KBTBD12: variants seen among roughly 807,000 people sequenced by gnomAD.
KBTBD12 encodes the protein kelch repeat and BTB domain-containing protein 12.
A neutral mutation model predicts 58.7 loss-of-function variants in KBTBD12; 53 were observed. The observed-to-expected ratio is 0.90, with a 90% CI of 0.72 to 1.14. The LOEUF (loss-of-function observed/expected upper bound fraction) is 1.14, where lower values mean the gene tolerates loss of function less well. Among genes scored for constraint, KBTBD12 ranks in the 50% most tolerant of loss-of-function variants. The probability of loss-of-function intolerance (pLI) is 0.00; values close to 1 mark genes in which losing one functional copy is unlikely to be tolerated. For synonymous variants in KBTBD12, 236 were observed against 259.8 expected (o/e 0.91, Z 0.88); for missense variants, 704 against 751.3 (o/e 0.94, Z 0.74).
At chr3:127,976,622 A>G (rs1425344446) in intron 5 of KBTBD12, among the ~76,000 whole-genome samples, 1 of 152,174 alleles carries the variant, frequency 6.6e-6, no homozygotes, top group South Asian at 2.1e-4. Context: ...ATATGGTCTA[A>G]TTTCATCACT....
At chr3:127,929,308 T>G (rs1189688322) in intron 3 of KBTBD12, among the ~76,000 whole-genome samples, 1 of 152,208 alleles carries the variant, frequency 6.6e-6, no homozygotes, top group Admixed American at 6.5e-5. Context: ...CTTGGTATAT[T>G]TAAAGTGGTT....
chr3:127,922,957 T>G lies in KBTBD12; in HGVS notation c.-105T>G. On this transcript the variant is annotated 5_prime_UTR_variant, in exon 2 of 6. Coordinates refer to ENST00000405109, the MANE Select transcript of KBTBD12 (RefSeq NM_207335.4). ...CTTTTTTCTTTCCCTTAGAAATGTT[T>G]CCTGACATCTTTGTAGCTTCATGAG... 1.5e-6 allele frequency: 1 copy of G among 672,856 alleles called. No individual in the cohort carries two copies. Among genetic ancestry groups the G allele is most frequent in the Non-Finnish European group, 2.5e-6 (1 of 396,956 alleles). 41.7% of individuals were successfully genotyped at this position (672,856 alleles called of 1,614,324 possible). A position where few individuals can be genotyped will look rare whatever the true frequency, so the allele number is the denominator to read the frequency against.
intron 4 of KBTBD12, among the ~76,000 whole-genome samples, chr3:127,941,202 C>A (rs1029869671): frequency 3.3e-5 from 5 of 152,112 alleles, no homozygotes; most frequent in African/African-American, 1.2e-4. Flanking sequence ...TTACCTAATA[C>A]CAAACCAGAC....
At chr3:127,917,374 T>C (rs1462908333) in intron 1 of KBTBD12, among the ~76,000 whole-genome samples, 2 of 152,154 alleles carry the variant, frequency 1.3e-5, no homozygotes, top group Admixed American at 6.5e-5. Flanking sequence ...GGATGAGATA[T>C]GGGGGAAGGG....
intron 4 of KBTBD12, among the ~76,000 whole-genome samples, chr3:127,932,385 C>G (rs568773183): frequency 9.2e-5 from 14 of 152,234 alleles, no homozygotes; most frequent in African/African-American, 3.4e-4. Flanking sequence ...TCATATAGAA[C>G]CCTAAAACCT....
Position 127,984,268 on chromosome 3 carries a change from A to G in KBTBD12, c.1862A>G (p.Asn621Ser). ...PPPSDLVEEG[N>S]EH is the part of the protein sequence containing the mutation. The stretch of plus-strand genomic sequence containing the variant: ...CCTTCAGATTTGGTGGAAGAAGGCA[A>G]TGAGCACTAAGGTGACCTTGCTGGA... Residue 621 changes from asparagine (N) to serine (S), a missense_variant, in exon 6 of 6, where the codon AAT becomes AGT. Coordinates refer to ENST00000405109, the MANE Select transcript of KBTBD12 (RefSeq NM_207335.4). 1 of 1,613,678 alleles carries G rather than the reference A, an allele frequency of 6.2e-7. No individual in the cohort carries two copies. Among genetic ancestry groups the G allele is most frequent in the Non-Finnish European group, 8.5e-7 (1 of 1,179,748 alleles).
intron 5 of KBTBD12, among the ~76,000 whole-genome samples, chr3:127,978,086 C>A (rs1475788274): frequency 6.6e-6 from 1 of 152,168 alleles, no homozygotes; most frequent in African/African-American, 2.4e-5. Flanking sequence ...AATAGAGAGT[C>A]CTTTCCCCAT....
At chr3:127,959,954 A>C (rs920923614) in intron 4 of KBTBD12, among the ~76,000 whole-genome samples, 4 of 152,244 alleles carry the variant, frequency 2.6e-5, no homozygotes, top group Non-Finnish European at 4.4e-5. Flanking sequence ...AATAGTAAAT[A>C]TATGTACATT....
At chr3:127,918,977 T>G (rs1358057851) in intron 1 of KBTBD12, among the ~76,000 whole-genome samples, 1 of 151,754 alleles carries the variant, frequency 6.6e-6, no homozygotes, top group Non-Finnish European at 1.5e-5. Context: ...TTAAAAATGG[T>G]TTTTTTTAAA....
rs187525576 is a variant in KBTBD12 at position 127,930,604 on chromosome 3, A to G, written c.1492+321A>G. On this transcript the variant is annotated intron_variant, in intron 4 of 5. Coordinates refer to ENST00000405109, the MANE Select transcript of KBTBD12 (RefSeq NM_207335.4). ...AATAGGCCTTTGGTCACTTTTAGTC[A>G]ATGAAATGTGGGCTTTGCACCAACT... Among the ~76,000 whole-genome samples, 29 of 152,316 alleles carry G rather than the reference A, an allele frequency of 1.9e-4. No homozygotes were observed. The East Asian group carries it at 4.2e-3, about 22-fold the overall frequency.
At chr3:127,945,123 C>T (rs1402985430) in intron 4 of KBTBD12, among the ~76,000 whole-genome samples, 1 of 133,628 alleles carries the variant, frequency 7.5e-6, no homozygotes, top group Non-Finnish European at 1.6e-5. Context: ...TGGTCTAACA[C>T]TGGTTGTTTT....
chr3:127,923,489 T>G lies in KBTBD12; in HGVS notation c.428T>G (p.Ile143Ser), dbSNP rs1939479325. Reference sequence around the variant, plus strand: ...GGTATCTATTATTTTGCAAAGCAGATTGGAGCTGAAGATTTATCTGATCGA... The same window carrying G: ...GGTATCTATTATTTTGCAAAGCAGAGTGGAGCTGAAGATTTATCTGATCGA... Reference protein sequence around the residue: ...CLGIYYFAKQIGAEDLSDRSK... With the variant: ...CLGIYYFAKQSGAEDLSDRSK... Residue 143 changes from isoleucine (I) to serine (S), a missense_variant, in exon 2 of 6, where the codon ATT becomes AGT. Transcript: ENST00000405109. The G allele has an allele frequency of 1.2e-6, 2 of 1,610,924 alleles. No homozygotes were observed. Among genetic ancestry groups the G allele is most frequent in the South Asian group, 2.2e-5 (2 of 90,838 alleles).
chr3:127,939,762 A>C (rs1213844588), intron 4 of KBTBD12, among the ~76,000 whole-genome samples: 1 of 152,192 alleles, frequency 6.6e-6, no homozygotes, highest in East Asian at 1.9e-4. Flanking sequence ...CCACAAAAAT[A>C]ATTACCTTAA....
chr3:127,950,812 A>C (rs1266663029), intron 4 of KBTBD12, among the ~76,000 whole-genome samples: 2 of 152,120 alleles, frequency 1.3e-5, no homozygotes, highest in Middle Eastern at 3.2e-3. Context: ...CAGGTGGATC[A>C]CCTGAGGTCA....
chr3:127,957,439 A>C (rs1253429230), intron 4 of KBTBD12, among the ~76,000 whole-genome samples: 1 of 152,190 alleles, frequency 6.6e-6, no homozygotes, highest in Admixed American at 6.5e-5. Context: ...ACCACTTCAT[A>C]GAAGTACTAG....
At chr3:127,962,546 A>C (rs1940464100) in intron 4 of KBTBD12, among the ~76,000 whole-genome samples, 1 of 152,212 alleles carries the variant, frequency 6.6e-6, no homozygotes, top group Non-Finnish European at 1.5e-5. Context: ...AACATGTTTT[A>C]TGCATCTTTC....
Position 127,956,945 on chromosome 3 carries a change from T to C in KBTBD12, c.1493-6244T>C, listed in dbSNP as rs1940332150. Among the ~76,000 whole-genome samples, 3 of 152,216 alleles carry C rather than the reference T, an allele frequency of 2.0e-5. No homozygotes were observed. In the South Asian group the frequency reaches 6.2e-4, roughly 32 times the overall value. ...TACTCCTGAATCCTTAAGAAAATGTTCCACTATATTTGGTATCTTCAGTTC... is the reference window on the plus strand; with the variant it reads ...TACTCCTGAATCCTTAAGAAAATGTCCCACTATATTTGGTATCTTCAGTTC... On this transcript the variant is annotated intron_variant, in intron 4 of 5. Coordinates refer to ENST00000405109, the MANE Select transcript of KBTBD12 (RefSeq NM_207335.4).
At chr3:127,973,339 C>T (rs947005990) in intron 5 of KBTBD12, among the ~76,000 whole-genome samples, 25 of 152,028 alleles carry the variant, frequency 1.6e-4, no homozygotes, top group African/African-American at 5.6e-4. Context: ...GGGAAAAAAA[C>T]CCAAGATGGG....
chr3:127,929,797 C>T (rs1025907603), intron 3 of KBTBD12, among the ~76,000 whole-genome samples: 2 of 151,838 alleles, frequency 1.3e-5, no homozygotes, highest in Non-Finnish European at 2.9e-5. Flanking sequence ...TAGAATTACA[C>T]TTTAAATACT....
Sources: gnomAD v4.1 joint callset for allele counts (sites outside exome capture counted in the v4.1 genomes callset) on GRCh38, gnomAD v4.1.1 for gene constraint, MANE v1.5 for transcripts, NCBI Gene and HGNC (gene_info 2026-07-23, HGNC 2026-07-21) for gene names.